Variants in ZDHHC2 observed in about 807,000 individuals in gnomAD.
ZDHHC2 encodes the protein palmitoyltransferase ZDHHC2.
ZDHHC2 carries 51 observed loss-of-function variants against 55.6 expected under a neutral mutation model. That is an observed-to-expected ratio of 0.92 (90% confidence interval 0.73 to 1.16). The LOEUF is 1.16. Ranked by LOEUF, ZDHHC2 falls within the 50% of genes most tolerant of loss-of-function variation. ZDHHC2 has a pLI of 0.00. For missense variants in ZDHHC2, 491 were observed against 442.4 expected (o/e 1.11, Z -0.99); for synonymous variants, 199 against 152.9 (o/e 1.30, Z -2.22).
intron 3 of ZDHHC2, among the ~76,000 whole-genome samples, chr8:17,188,015 A>C (rs570966634): frequency 6.6e-6 from 1 of 152,262 alleles, no homozygotes; most frequent in South Asian, 2.1e-4. Flanking sequence ...GAGATATTGT[A>C]TTCTTCTCCT....
intron 1 of ZDHHC2, among the ~76,000 whole-genome samples, chr8:17,174,974 G>A (rs1805058004): frequency 6.6e-6 from 1 of 152,030 alleles, no homozygotes; most frequent in South Asian, 2.1e-4. Context: ...CGATCCAGCT[G>A]CCTTAGCTTC....
rs972616404 is a variant in ZDHHC2 at position 17,191,516 on chromosome 8, G to C, written c.253-3988G>C. Reference sequence around the variant, plus strand: ...ATCCTTTTATTCTCTATCTCTATGAGTTTAGTTGTTTTAATTTTTAGCTCC... The same window carrying C: ...ATCCTTTTATTCTCTATCTCTATGACTTTAGTTGTTTTAATTTTTAGCTCC... On this transcript the variant is annotated intron_variant, in intron 3 of 12. Coordinates refer to ENST00000262096, the MANE Select transcript of ZDHHC2 (RefSeq NM_016353.5). Among the ~76,000 whole-genome samples the C allele has an allele frequency of 1.7e-4, 26 of 152,258 alleles. 1 individual carries two copies. Among genetic ancestry groups the C allele is most frequent in the African/African-American group, 5.8e-4 (24 of 41,546 alleles).
intron 1 of ZDHHC2, among the ~76,000 whole-genome samples, chr8:17,170,395 C>A (rs938602209): frequency 2.6e-5 from 4 of 152,124 alleles, no homozygotes; most frequent in African/African-American, 7.2e-5. Flanking sequence ...AAATTTTATT[C>A]CAATGAGCTC....
intron 6 of ZDHHC2, among the ~76,000 whole-genome samples, chr8:17,200,190 C>T (rs1806677132): frequency 6.6e-6 from 1 of 152,196 alleles, no homozygotes; most frequent in African/African-American, 2.4e-5. Flanking sequence ...GCTGGCAGCT[C>T]CCCATTCAGG....
At chr8:17,218,595 T>C (rs1408517395) in intron 12 of ZDHHC2, among the ~76,000 whole-genome samples, 1 of 152,136 alleles carries the variant, frequency 6.6e-6, no homozygotes, top group African/African-American at 2.4e-5. Context: ...GCCAGACACA[T>C]AGTAGTTTCT....
Position 17,156,698 on chromosome 8 carries a change from G to C in ZDHHC2, c.-26G>C, listed in dbSNP as rs751993061. ...AGCCAGGCCCGCGGGCGGCGGCGGAGCTGGGCAGGTGGATGCGGCTGGAAG... is the reference window on the plus strand; with the variant it reads ...AGCCAGGCCCGCGGGCGGCGGCGGACCTGGGCAGGTGGATGCGGCTGGAAG... On this transcript the variant is annotated 5_prime_UTR_variant, in exon 1 of 13. Transcript: ENST00000262096. 4.1e-5 allele frequency: 56 copies of C among 1,382,624 alleles called. No homozygotes were observed. The highest frequency in any genetic ancestry group is 1.7e-4 in the South Asian group (11 of 64,670). The allele number at this position is 1,382,624 out of a possible 1,614,324, so 85.6% of individuals were successfully genotyped here.
intron 1 of ZDHHC2, among the ~76,000 whole-genome samples, chr8:17,174,976 C>G (rs533102440): frequency 4.6e-5 from 7 of 152,160 alleles, no homozygotes; most frequent in Admixed American, 4.6e-4. Flanking sequence ...ATCCAGCTGC[C>G]TTAGCTTCCC....
chr8:17,179,364 G>T (rs76882987), intron 1 of ZDHHC2, among the ~76,000 whole-genome samples: 12,072 of 152,192 alleles, frequency 0.079, 606 homozygotes, highest in Non-Finnish European at 0.11. Context: ...ATCGATGATG[G>T]TTCTAGATTT....
intron 6 of ZDHHC2, among the ~76,000 whole-genome samples, chr8:17,203,246 C>T (rs1806903578): frequency 6.6e-6 from 1 of 151,408 alleles, no homozygotes; most frequent in South Asian, 2.1e-4. Flanking sequence ...TTTTATTTTA[C>T]TTTATTAATT....
At chr8:17,171,050 G>A (rs974500749) in intron 1 of ZDHHC2, among the ~76,000 whole-genome samples, 2 of 152,108 alleles carry the variant, frequency 1.3e-5, no homozygotes, top group African/African-American at 4.8e-5. Flanking sequence ...GTTGTTGAGG[G>A]TGTAGTATCC....
intron 7 of ZDHHC2, among the ~76,000 whole-genome samples, chr8:17,207,076 T>C (rs1410174075): frequency 6.6e-6 from 1 of 152,124 alleles, no homozygotes; most frequent in Non-Finnish European, 1.5e-5. Flanking sequence ...ACCACAAACA[T>C]ATATGAAAAG....
chr8:17,180,388 G>A (rs1805369095), intron 1 of ZDHHC2, among the ~76,000 whole-genome samples: 1 of 152,080 alleles, frequency 6.6e-6, no homozygotes, highest in Non-Finnish European at 1.5e-5. Flanking sequence ...AGATAATTCA[G>A]ATTTACATTA....
At position 17,195,513 on chromosome 8, in the gene ZDHHC2, T is replaced by G; in HGVS notation, c.262T>G (p.Ser88Ala). 6.2e-7 allele frequency: 1 copy of G among 1,613,298 alleles called. No homozygotes were observed. The change falls in exon 4 of 13, where the codon TCT becomes GCT. Residue 88 changes from serine to alanine, a missense_variant. Ser to Ala is a moderately conservative substitution (Grantham distance 99, BLOSUM62 1). Coordinates refer to ENST00000262096, the MANE Select transcript of ZDHHC2 (RefSeq NM_016353.5). ...PMNPSKEFHL[S>A]YAEKDLLERE... ...TAAATGTATTCCACAGTTCCATCTC[T>G]CTTATGCAGAGAAAGATTTGTTGGA...
intron 6 of ZDHHC2, among the ~76,000 whole-genome samples, chr8:17,199,562 T>G (rs1296167095): frequency 3.7e-5 from 3 of 80,680 alleles, no homozygotes; most frequent in South Asian, 4.2e-4. Flanking sequence ...CGTCTTCGTC[T>G]TCTTCGTCTT....
chr8:17,157,187 C>G (rs1173329569), intron 1 of ZDHHC2, among the ~76,000 whole-genome samples: 1 of 152,178 alleles, frequency 6.6e-6, no homozygotes, highest in South Asian at 2.1e-4. Flanking sequence ...AGAGGGGAGG[C>G]CGAGGCCGGC....
intron 3 of ZDHHC2, among the ~76,000 whole-genome samples, chr8:17,190,234 C>T (rs961539549): frequency 4.0e-5 from 6 of 150,176 alleles, no homozygotes; most frequent in Admixed American, 2.0e-4. Context: ...CCAGCCTGGG[C>T]GACAGATCGA....
chr8:17,164,208 C>A (rs1228944723), intron 1 of ZDHHC2, among the ~76,000 whole-genome samples: 1 of 152,076 alleles, frequency 6.6e-6, no homozygotes, highest in East Asian at 1.9e-4. Flanking sequence ...CTGGCCATGA[C>A]TTTTAAATTC....
chr8:17,187,645 A>T (rs1163622102), intron 3 of ZDHHC2, among the ~76,000 whole-genome samples: 1 of 150,780 alleles, frequency 6.6e-6, no homozygotes, highest in Non-Finnish European at 1.5e-5. Flanking sequence ...TCCTCCTACC[A>T]TATTTGCTTC....
intron 2 of ZDHHC2, among the ~76,000 whole-genome samples, chr8:17,185,036 A>G (rs975503113): frequency 5.9e-5 from 9 of 152,196 alleles, no homozygotes; most frequent in Admixed American, 5.2e-4. Flanking sequence ...GAGATTCTTA[A>G]GGCTTTGAGG....
Sources: gnomAD v4.1 joint callset for allele counts (sites outside exome capture counted in the v4.1 genomes callset) on GRCh38, gnomAD v4.1.1 for gene constraint, MANE v1.5 for transcripts, NCBI Gene and HGNC (gene_info 2026-07-23, HGNC 2026-07-21) for gene names.